The following DMXL1 variants were observed in gnomAD, a reference collection of about 807,000 sequenced individuals.
DMXL1 encodes Dmx like 1.
DMXL1 carries 99 observed loss-of-function variants against 319.2 expected under a neutral mutation model. The ratio of observed to expected loss-of-function variants is 0.31; its 90% CI spans 0.26 to 0.37. DMXL1 has a LOEUF of 0.37. Among genes scored for constraint, DMXL1 ranks in the 10% least tolerant of loss-of-function variants. The pLI, the probability that DMXL1 is intolerant of heterozygous loss-of-function variation, is 1.00. For missense variants in DMXL1, 3,745 were observed against 3,595.6 expected (o/e 1.04, Z -1.06); for synonymous variants, 1,385 against 1,235.2 (o/e 1.12, Z -2.54).
In DMXL1 at chr5:119,118,873, G is replaced by C; in HGVS notation, c.802G>C (p.Val268Leu). The C allele has an allele frequency of 6.2e-7, 1 of 1,613,898 alleles. No homozygotes were observed. The highest frequency in any genetic ancestry group is 8.5e-7 in the Non-Finnish European group (1 of 1,179,904). ...CAAAGATAATGTGTGTCGTCTTTGG[G>C]TAGAGACATTTTTACCAAATGATTG... The part of the protein sequence containing the change: ...CCKDNVCRLW[V>L]ETFLPNDCLL... Residue 268 changes from valine to leucine, a missense_variant, in exon 8 of 44, where the codon GTA (valine) becomes CTA (leucine). Around this residue, in one of 4 missense-constraint regions of DMXL1, gnomAD observed 2,096 missense variants for 1,985.4 expected, o/e 1.06. Coordinates refer to ENST00000539542, the MANE Select transcript of DMXL1 (RefSeq NM_001290321.3).
chr5:119,111,414 A>G (rs1220044036), intron 5 of DMXL1, among the ~76,000 whole-genome samples: 3 of 152,216 alleles, frequency 2.0e-5, no homozygotes, highest in African/African-American at 7.2e-5. Context: ...TGATGTTTTT[A>G]TATATTAGGT....
chr5:119,134,536 T>A, intron 13 of DMXL1, 147 bp downstream of exon 13: 2 of 733,630 alleles, frequency 2.7e-6, no homozygotes, highest in East Asian at 2.8e-5. Flanking sequence ...TGTACTCTTG[T>A]AATGATTTAA....
Position 119,171,108 on chromosome 5 carries a change from A to T in DMXL1, c.6317A>T (p.Gln2106Leu), listed in dbSNP as rs1286428945. 1 of 1,613,972 alleles carries T rather than the reference A, an allele frequency of 6.2e-7. No homozygotes were observed. Among genetic ancestry groups the T allele is most frequent in the South Asian group, 1.1e-5 (1 of 91,070 alleles). ...GAGGATGCTGAAGATTTGCCTCACC[A>T]AACAAAAGTGAAACAACTGAGAGAA... ...LNEDAEDLPH[Q>L]TKVKQLRENF... is the part of the protein sequence containing the mutation. Residue 2106 changes from glutamine (Q) to leucine (L), a missense_variant, in exon 24 of 44, where the codon CAA becomes CTA. Transcript: ENST00000539542.
At chr5:119,192,271 A>G (rs1411292341) in intron 29 of DMXL1, among the ~76,000 whole-genome samples, 1 of 152,076 alleles carries the variant, frequency 6.6e-6, no homozygotes, top group Non-Finnish European at 1.5e-5. Context: ...TCTATCAGAC[A>G]CCTTTTCTCG....
intron 1 of DMXL1, among the ~76,000 whole-genome samples, chr5:119,090,575 T>TC: frequency 6.6e-6 from 1 of 150,536 alleles, no homozygotes; most frequent in Non-Finnish European, 1.5e-5. Flanking sequence ...TTTTTTTTTT[T>TC]CTTTGAGACA....
chr5:119,175,245 T>C lies in DMXL1; in HGVS notation c.6682-16T>C. ...AAAAAGGTTATACTTAAAGTAATTT[T>C]GTTTTTGTTTTCCAGGTGTATGTAA... is the stretch of plus-strand genomic sequence containing the variant. On this transcript the variant is annotated splice_polypyrimidine_tract_variant and intron_variant, in intron 25 of 43. Transcript: ENST00000539542. 1 of 1,597,116 alleles carries C rather than the reference T, an allele frequency of 6.3e-7. No individual in the cohort carries two copies. Among genetic ancestry groups the C allele is most frequent in the Non-Finnish European group, 8.5e-7 (1 of 1,171,478 alleles).
intron 40 of DMXL1, 60 bp from the exon 41 acceptor site, chr5:119,238,929 T>G: frequency 1.3e-6 from 2 of 1,595,534 alleles, no homozygotes; most frequent in South Asian, 2.3e-5. Flanking sequence ...AAGAATACAT[T>G]TACCTGGTTA....
intron 5 of DMXL1, among the ~76,000 whole-genome samples, chr5:119,113,450 C>T (rs1760121348): frequency 6.6e-6 from 1 of 152,160 alleles, no homozygotes; most frequent in Admixed American, 6.6e-5. Context: ...ATCATGTTGG[C>T]CAGGCTGGTC....
intron 34 of DMXL1, among the ~76,000 whole-genome samples, chr5:119,216,337 T>G (rs1406651532): frequency 6.6e-6 from 1 of 152,124 alleles, no homozygotes. Context: ...CTAAAATGAT[T>G]ACTCACTTGG....
rs1037996206 is a variant in DMXL1 at position 119,150,240 on chromosome 5, T to C, written c.4413T>C (p.Ile1471=). 1 of 1,613,860 alleles carries C rather than the reference T, an allele frequency of 6.2e-7. No individual in the cohort carries two copies. Among genetic ancestry groups the C allele is most frequent in the Non-Finnish European group, 8.5e-7 (1 of 1,179,836 alleles). ...AAGAAAATACAAAGCCTAGAGTTAT[T>C]GACCTTTCACAGTACAGTCCGACTT... ...TDEENTKPRV[I]DLSQYSPTYF... is the part of the protein sequence containing the mutation. The change falls in exon 18 of 44, where the codon ATT becomes ATC. Residue 1471 remains isoleucine, a synonymous_variant. Transcript: ENST00000539542.
Position 119,072,912 on chromosome 5 carries a change from C to T in DMXL1, c.87+1256C>T, listed in dbSNP as rs896106206. ...CAACTATAGTTTCCTTACACCTGGGCATTGCTCTCTGCTCTTGCTGCTTGA... is the reference window on the plus strand; with the variant it reads ...CAACTATAGTTTCCTTACACCTGGGTATTGCTCTCTGCTCTTGCTGCTTGA... On this transcript the variant is annotated intron_variant, in intron 1 of 43. Coordinates refer to ENST00000539542, the MANE Select transcript of DMXL1 (RefSeq NM_001290321.3). 2.0e-5 allele frequency among the ~76,000 whole-genome samples: 3 copies of T among 152,146 alleles called. No homozygotes were observed. In the South Asian group the frequency reaches 6.2e-4, roughly 32 times the overall value.
rs892759180 is a variant in DMXL1, at chr5:119,110,386, T to C, written c.497+103T>C. Reference sequence around the variant, plus strand: ...TAAAACCACACTGACATAAAAAGTATTGATTTTTAGTCTATGATATGCTTT... The same window carrying C: ...TAAAACCACACTGACATAAAAAGTACTGATTTTTAGTCTATGATATGCTTT... On this transcript the variant is annotated intron_variant, in intron 5 of 43. Transcript: ENST00000539542. 12 of 1,096,980 alleles carry C rather than the reference T, an allele frequency of 1.1e-5. No individual in the cohort carries two copies. In the African/African-American group the frequency reaches 1.5e-4, roughly 14 times the overall value. 68.0% of individuals were successfully genotyped at this position (1,096,980 alleles called of 1,614,324 possible).
rs1272623573 is a variant in DMXL1 at position 119,122,064 on chromosome 5, C to T, written c.1102+925C>T. Reference sequence around the variant, plus strand: ...CTGACCCCCCAACCTCCCTCCCGGTCGGGGCGGCTGGCCGGGCGGGGGGCT... The same window carrying T: ...CTGACCCCCCAACCTCCCTCCCGGTTGGGGCGGCTGGCCGGGCGGGGGGCT... On this transcript the variant is annotated intron_variant, in intron 9 of 43. Transcript: ENST00000539542. Among the ~76,000 whole-genome samples, 12 of 143,788 alleles carry T rather than the reference C, an allele frequency of 8.3e-5. No individual in the cohort carries two copies. The East Asian group carries it at 1.3e-3, about 15-fold the overall frequency. 94.3% of individuals were successfully genotyped at this position (143,788 alleles called of 152,430 possible).
intron 25 of DMXL1, among the ~76,000 whole-genome samples, chr5:119,174,995 TC>T (rs1247555213): frequency 1.3e-5 from 2 of 152,196 alleles, no homozygotes; most frequent in Non-Finnish European, 2.9e-5. Context: ...TGACATCTGT[TC>T]CCCTTTGCTC....
intron 1 of DMXL1, among the ~76,000 whole-genome samples, chr5:119,074,933 T>G (rs984864205): frequency 6.6e-5 from 10 of 152,216 alleles, no homozygotes; most frequent in African/African-American, 2.4e-4. Flanking sequence ...GGAATTTCTT[T>G]TTTTCTCTTC....
In DMXL1 at chr5:119,138,240, C is replaced by T. The variant is rs191114960; in HGVS notation, c.2376+3851C>T. Among the ~76,000 whole-genome samples the T allele has an allele frequency of 1.1e-3, 169 of 151,820 alleles. 3 individuals carry two copies. The South Asian group carries it at 0.012, about 11-fold the overall frequency. On this transcript the variant is annotated intron_variant, in intron 13 of 43. Transcript: ENST00000539542. ...TGAATAGCTATGAATGGACTGGATGCGGTATGTGTGAGAAAAAAAGAGGAC... is the reference window on the plus strand; with the variant it reads ...TGAATAGCTATGAATGGACTGGATGTGGTATGTGTGAGAAAAAAAGAGGAC...
chr5:119,208,884 G>A (rs935614848), intron 34 of DMXL1, among the ~76,000 whole-genome samples: 9 of 151,930 alleles, frequency 5.9e-5, no homozygotes, highest in African/African-American at 2.2e-4. Flanking sequence ...TCTTCCCCAG[G>A]CAGCTACCAA....
chr5:119,207,289 T>A (rs1022069870), intron 34 of DMXL1, among the ~76,000 whole-genome samples: 3 of 152,108 alleles, frequency 2.0e-5, no homozygotes, highest in African/African-American at 7.2e-5. Context: ...GATATTAAAA[T>A]TAATGATATT....
At position 119,149,057 on chromosome 5, in the gene DMXL1, A is replaced by C. The variant is rs1202621683; in HGVS notation, c.3230A>C (p.His1077Pro). Residue 1077 changes from histidine to proline, a missense_variant, in exon 18 of 44, where the codon CAT becomes CCT. By Grantham distance (77) the His-to-Pro change is moderately conservative (BLOSUM62 -2). This residue lies in a region of DMXL1 where 2,096 missense variants were observed against 1,985.4 expected (regional missense o/e 1.06). Transcript: ENST00000539542. ...AGATCTTCCCAGGACTTTGTGATGCATGTAAGTATTTTTGAATGTGAGTCA... is the reference window on the plus strand; with the variant it reads ...AGATCTTCCCAGGACTTTGTGATGCCTGTAAGTATTTTTGAATGTGAGTCA... Reference protein sequence around the residue: ...NSRSSQDFVMHVSIFECESTG... With the variant: ...NSRSSQDFVMPVSIFECESTG... The C allele has an allele frequency of 6.2e-7, 1 of 1,613,844 alleles. No individual in the cohort carries two copies. Among genetic ancestry groups the C allele is most frequent in the South Asian group, 1.1e-5 (1 of 91,088 alleles).
Sources: gnomAD v4.1 joint callset for allele counts (sites outside exome capture counted in the v4.1 genomes callset) on GRCh38, gnomAD v4.1.1 for gene constraint, gnomAD v4.1.1 regional missense constraint, MANE v1.5 for transcripts, NCBI Gene and HGNC (gene_info 2026-07-23, HGNC 2026-07-21) for gene names.